The following PHLDB3 variants were observed in gnomAD, a reference collection of about 807,000 sequenced individuals.
The protein encoded by PHLDB3 is pleckstrin homology like domain family B member 3, also known as pleckstrin homology-like domain family B member 3.
In PHLDB3, 86 loss-of-function variants were observed where a neutral mutation model predicts 85.7. The ratio of observed to expected loss-of-function variants is 1.00; its 90% CI spans 0.84 to 1.20. The LOEUF (loss-of-function observed/expected upper bound fraction) is 1.20, where lower values mean the gene tolerates loss of function less well. Ranked by LOEUF, PHLDB3 falls within the 50% of genes most tolerant of loss-of-function variation. The pLI is 0.00. For missense variants in PHLDB3, 995 were observed against 873.0 expected, an observed-to-expected ratio of 1.14 and a Z score of -1.76; for synonymous variants, 376 against 349.8, an observed-to-expected ratio of 1.07 and a Z score of -0.83.
intron 4 of PHLDB3, chr19:43,501,423 A>C: frequency 2.7e-6 from 1 of 366,780 alleles, no homozygotes; most frequent in South Asian, 2.8e-5. Context: ...GAGCTCAGGC[A>C]ATCCGCCCGC....
At chr19:43,479,673 A>G (rs1971003256) in intron 13 of PHLDB3, 80 bp from the exon 14 acceptor site, 3 of 1,003,736 alleles carry the variant, frequency 3.0e-6, no homozygotes, top group Non-Finnish European at 4.5e-6. Flanking sequence ...GGAGCAAGTC[A>G]TAGCAGCTTG....
chr19:43,488,366 AG>A (rs1257207151), intron 9 of PHLDB3, among the ~76,000 whole-genome samples: 2 of 152,078 alleles, frequency 1.3e-5, no homozygotes, highest in African/African-American at 4.8e-5. Flanking sequence ...CTGACGTGGA[AG>A]GATCGCTTGA....
intron 13 of PHLDB3, among the ~76,000 whole-genome samples, chr19:43,484,510 C>G (rs956409165): frequency 2.0e-5 from 3 of 151,456 alleles, no homozygotes; most frequent in Admixed American, 6.6e-5. Context: ...GAGTTCAAGA[C>G]CAGCCCGGAC....
At chr19:43,487,897 T>A (rs891597359) in intron 9 of PHLDB3, among the ~76,000 whole-genome samples, 1 of 152,096 alleles carries the variant, frequency 6.6e-6, no homozygotes, top group Admixed American at 6.6e-5. Context: ...CTCACACCTG[T>A]AATCCCAGCA....
chr19:43,488,169 C>T (rs1265286001), intron 9 of PHLDB3, among the ~76,000 whole-genome samples: 1 of 151,472 alleles, frequency 6.6e-6, no homozygotes, highest in African/African-American at 2.4e-5. Flanking sequence ...AAAAAAAGTC[C>T]CACTGCAGCC....
intron 5 of PHLDB3, 42 bp from the exon 6 acceptor site, chr19:43,497,321 A>G (rs747946462): frequency 7.3e-7 from 1 of 1,361,484 alleles, no homozygotes; most frequent in African/African-American, 1.5e-5. Flanking sequence ...CTGAATCCCT[A>G]AGACCCCAGG....
At chr19:43,502,321 C>G in intron 2 of PHLDB3, 38 bp from the exon 3 acceptor site, 1 of 1,521,086 alleles carries the variant, frequency 6.6e-7, no homozygotes, top group Non-Finnish European at 8.8e-7. Context: ...GGAGATGCCT[C>G]GCCCCCTGCA....
At chr19:43,478,653 A>G (rs141226321) in intron 14 of PHLDB3, among the ~76,000 whole-genome samples, 11,606 of 152,198 alleles carry the variant, frequency 0.076, 703 homozygotes, top group East Asian at 0.3. Flanking sequence ...CAGTGGCTCA[A>G]GCCTGTAATC....
chr19:43,500,980 A>G (rs1971582152), intron 4 of PHLDB3, among the ~76,000 whole-genome samples: 1 of 140,618 alleles, frequency 7.1e-6, no homozygotes, highest in Admixed American at 8.0e-5. Flanking sequence ...AGGATTTCTT[A>G]TCTGTCAATG....
rs759305679 is a variant in PHLDB3, at chr19:43,503,877, C to A, written c.213+29G>T. 1.9e-6 allele frequency: 3 copies of A among 1,612,918 alleles called. No homozygotes were observed. In the South Asian group the frequency reaches 3.3e-5, roughly 18 times the overall value. ...GTTTGGGTCCCCGTCGGTCCAAGCC[C>A]CCCGCGCTGTCGCCCTCGGGCCCCT... On this transcript the variant is annotated intron_variant, in intron 2 of 15. Transcript: ENST00000292140.
intron 6 of PHLDB3, chr19:43,496,028 T>C (rs1971449248): frequency 6.2e-6 from 1 of 160,280 alleles, no homozygotes; most frequent in African/African-American, 2.4e-5. Context: ...TTTTTTTTTT[T>C]TTTTTGAGAT....
chr19:43,502,203 C>T lies in PHLDB3; in HGVS notation c.294G>A (p.Ala98=), dbSNP rs1175500724. The change falls in exon 3 of 16, where the codon GCG becomes GCA. Residue 98 remains alanine (A), a synonymous_variant. Coordinates refer to ENST00000292140, the MANE Select transcript of PHLDB3 (RefSeq NM_198850.4). ...CCAGCTGCTGTCCTTGCAGGCGCCG[C>T]GCCGCCCCTCGCACCCCTTCCCGCG... is the stretch of plus-strand genomic sequence containing the variant. ...TSSREGVRGA[A]RRLQGQQLEA... is the part of the protein sequence containing the mutation. 1 of 1,567,136 alleles carries T rather than the reference C, an allele frequency of 6.4e-7. No homozygotes were observed. The highest frequency in any genetic ancestry group is 1.4e-5 in the African/African-American group (1 of 73,742).
chr19:43,480,752 C>G (rs576943965), intron 13 of PHLDB3, among the ~76,000 whole-genome samples: 4 of 152,258 alleles, frequency 2.6e-5, no homozygotes, highest in African/African-American at 9.6e-5. Context: ...GATGTGGAAA[C>G]CAAGACTCAG....
chr19:43,500,895 G>C (rs1568485089), intron 4 of PHLDB3, among the ~76,000 whole-genome samples: 22 of 33,542 alleles, frequency 6.6e-4, no homozygotes, highest in African/African-American at 8.6e-4. Context: ...CTCCCACTTT[G>C]CCCCGCCCCC....
At position 43,479,589 on chromosome 19, in the gene PHLDB3, G is replaced by A. The variant is rs538624470; in HGVS notation, c.1490C>T (p.Pro497Leu). The A allele has an allele frequency of 2.7e-6, 4 of 1,497,504 alleles. No individual in the cohort carries two copies. The highest frequency in any genetic ancestry group is 2.0e-5 in the Admixed American group (1 of 50,670). 92.8% of individuals were successfully genotyped at this position (1,497,504 alleles called of 1,614,324 possible). A position where few individuals can be genotyped will look rare whatever the true frequency, so the allele number is the denominator to read the frequency against. ...GCCTGGAGGGTGGGGTGGGGTGGGT[G>A]GGGCCTGGGGAGCAAAGAGACGGGG... The part of the protein sequence containing the change: ...SGPAVPAITA[P>L]PTPPHPPGPR... The change falls in exon 14 of 16, where the codon CCA becomes CTA. Residue 497 changes from proline (P) to leucine (L), a missense_variant. Transcript: ENST00000292140.
At chr19:43,490,059 AAGGAAGGGAAGG>A (rs921153243) in intron 9 of PHLDB3, among the ~76,000 whole-genome samples, 3 of 142,594 alleles carry the variant, frequency 2.1e-5, no homozygotes, top group Non-Finnish European at 4.6e-5. Context: ...GGAAGGAAGG[AAGGAAGGGAAGG>A]AGGAAGGGAG....
At chr19:43,504,376 C>T (rs12980646) in intron 1 of PHLDB3, 102,223 of 567,468 alleles carry the variant, frequency 0.18, 9,633 homozygotes, top group Non-Finnish European at 0.19. Flanking sequence ...ACGCCCCCTA[C>T]TGACCTCTTC....
chr19:43,483,743 G>A (rs1891975233), intron 13 of PHLDB3, among the ~76,000 whole-genome samples: 1 of 152,142 alleles, frequency 6.6e-6, no homozygotes, highest in Non-Finnish European at 1.5e-5. Flanking sequence ...CTTTAATGGG[G>A]AGGCAGAACT....
chr19:43,475,846 A>G (rs1970917142), intron 15 of PHLDB3, among the ~76,000 whole-genome samples: 2 of 151,932 alleles, frequency 1.3e-5, no homozygotes, highest in East Asian at 3.9e-4. Flanking sequence ...GCCAGGCTGG[A>G]GTGCAGTGGC....
Sources: allele counts gnomAD v4.1 joint callset (sites outside exome capture counted in the v4.1 genomes callset), GRCh38; gene constraint gnomAD v4.1.1; transcripts MANE v1.5; gene names NCBI Gene and HGNC (gene_info 2026-07-23, HGNC 2026-07-21).